Variants in GRHL2 observed in about 807,000 individuals in gnomAD.
GRHL2 encodes grainyhead-like protein 2 homolog.
GRHL2 carries 21 observed loss-of-function variants against 83.8 expected under a neutral mutation model. That is an observed-to-expected ratio of 0.25 (90% CI 0.18 to 0.36). GRHL2 has a LOEUF of 0.36. Among genes scored for constraint, GRHL2 ranks in the 10% least tolerant of loss-of-function variants. GRHL2 has a pLI of 1.00. For synonymous variants in GRHL2, 280 were observed against 278.9 expected (o/e 1.00, Z -0.04); for missense variants, 623 against 781.8 (o/e 0.80, Z 2.42).
intron 8 of GRHL2, among the ~76,000 whole-genome samples, chr8:101,604,833 A>AT (rs1812597673): frequency 6.6e-6 from 1 of 152,152 alleles, no homozygotes; most frequent in Non-Finnish European, 1.5e-5. Context: ...GATCTTTATG[A>AT]TTTTTAGAAA....
At chr8:101,678,874 A>C in the GRHL2 span, among the ~76,000 whole-genome samples, 68 of 130,058 alleles carry the variant, frequency 5.2e-4, no homozygotes, top group South Asian at 8.2e-4. Flanking sequence ...CCTGTCTGTT[A>C]GAAGGAAAAC....
At chr8:101,505,894 G>A (rs546095415) in intron 1 of GRHL2, among the ~76,000 whole-genome samples, 1 of 152,234 alleles carries the variant, frequency 6.6e-6, no homozygotes, top group Non-Finnish European at 1.5e-5. Flanking sequence ...CCATGTGGTC[G>A]AATCCCAGGA....
At chr8:101,652,583 G>GTGTGTGGTAT (rs1813691579) in intron 14 of GRHL2, among the ~76,000 whole-genome samples, 1 of 97,488 alleles carries the variant, frequency 1.0e-5, no homozygotes, top group Non-Finnish European at 1.9e-5. Flanking sequence ...TGGTGTGTGT[G>GTGTGTGGTAT]GTGTCTGTGT....
At chr8:101,570,496 A>G (rs1366082675) in intron 5 of GRHL2, 102 bp downstream of exon 5, 1 of 953,498 alleles carries the variant, frequency 1.0e-6, no homozygotes, top group African/African-American at 1.6e-5. Context: ...GTAAACTTGT[A>G]CAGAACAGTG....
At chr8:101,537,182 G>A (rs182962244) in intron 1 of GRHL2, among the ~76,000 whole-genome samples, 1 of 152,070 alleles carries the variant, frequency 6.6e-6, no homozygotes, top group Non-Finnish European at 1.5e-5. Context: ...TCTATTGATG[G>A]GCATTTAGGT....
chr8:101,525,713 A>T (rs1810789919), intron 1 of GRHL2, among the ~76,000 whole-genome samples: 1 of 152,160 alleles, frequency 6.6e-6, no homozygotes, highest in South Asian at 2.1e-4. Context: ...TCATGCCTGT[A>T]ATCCCAGCAG....
chr8:101,610,998 G>A (rs142260166), intron 8 of GRHL2, among the ~76,000 whole-genome samples: 59 of 151,136 alleles, frequency 3.9e-4, no homozygotes, highest in Admixed American at 5.9e-4. Flanking sequence ...AGATCAAGAG[G>A]TAACCAGCGA....
intron 14 of GRHL2, among the ~76,000 whole-genome samples, chr8:101,657,567 G>A (rs1354313184): frequency 4.6e-5 from 7 of 152,174 alleles, no homozygotes; most frequent in African/African-American, 1.7e-4. Flanking sequence ...AAGGCCGGGC[G>A]TAGTGGCTCA....
intron 7 of GRHL2, among the ~76,000 whole-genome samples, chr8:101,586,522 C>A (rs1812175590): frequency 6.6e-6 from 1 of 152,224 alleles, no homozygotes; most frequent in South Asian, 2.1e-4. Context: ...GTAGAGTCCA[C>A]TGTTCCCTCT....
chr8:101,642,976 G>A lies in GRHL2; in HGVS notation c.1518-1155G>A, dbSNP rs145502273. On this transcript the variant is annotated intron_variant, in intron 12 of 15. Coordinates refer to ENST00000646743, the MANE Select transcript of GRHL2 (RefSeq NM_024915.4). The stretch of plus-strand genomic sequence containing the variant: ...TGAGGAACTGGTCCGGGCTCCTACA[G>A]CAAATTGTAAGGCAGGGATTTAAAC... 5.3e-5 allele frequency among the ~76,000 whole-genome samples: 8 copies of A among 152,278 alleles called. No individual in the cohort carries two copies. In the East Asian group the frequency reaches 1.4e-3, roughly 26 times the overall value.
chr8:101,592,747 T>C (rs570653073), intron 7 of GRHL2, among the ~76,000 whole-genome samples: 77 of 152,158 alleles, frequency 5.1e-4, no homozygotes, highest in Non-Finnish European at 9.3e-4. Flanking sequence ...TTGTTCTGCT[T>C]TGGGAGGATC....
chr8:101,673,153 CA>C (rs1293171129), downstream of GRHL2, among the ~76,000 whole-genome samples: 1 of 151,296 alleles, frequency 6.6e-6, no homozygotes, highest in African/African-American at 2.4e-5. Flanking sequence ...AACTAATGAG[CA>C]AAATAACCAG....
chr8:101,591,157 G>T (rs1812273113), intron 7 of GRHL2, among the ~76,000 whole-genome samples: 1 of 150,264 alleles, frequency 6.7e-6, no homozygotes, highest in African/African-American at 2.5e-5. Context: ...AATAACAAAA[G>T]GATTCACCAT....
intron 1 of GRHL2, among the ~76,000 whole-genome samples, chr8:101,498,643 T>C (rs1810157639): frequency 6.6e-6 from 1 of 152,198 alleles, no homozygotes; most frequent in East Asian, 1.9e-4. Context: ...TTAAACTGAC[T>C]GCAGGGTCTG....
At chr8:101,564,408 C>CAA (rs1365000721) in intron 4 of GRHL2, among the ~76,000 whole-genome samples, 2 of 152,166 alleles carry the variant, frequency 1.3e-5, no homozygotes, top group African/African-American at 4.8e-5. Flanking sequence ...GAGACCAATT[C>CAA]TTCTGTGTGT....
chr8:101,493,983 G>A (rs568142243), intron 1 of GRHL2, among the ~76,000 whole-genome samples: 119 of 152,240 alleles, frequency 7.8e-4, no homozygotes, highest in African/African-American at 2.7e-3. Flanking sequence ...GGGATTCGGC[G>A]GGGACACTCC....
chr8:101,543,302 G>T lies in GRHL2; in HGVS notation c.82G>T (p.Ala28Ser). The T allele has an allele frequency of 6.2e-7, 1 of 1,614,062 alleles. No individual in the cohort carries two copies. The highest frequency in any genetic ancestry group is 1.1e-5 in the South Asian group (1 of 91,068). The change falls in exon 2 of 16, where the codon GCC (alanine) becomes TCC (serine). Residue 28 changes from alanine to serine, a missense_variant. By Grantham distance (99) the Ala-to-Ser change is moderately conservative. Transcript: ENST00000646743. ...TGACCCTCCATTCAATACCCGAAGA[G>T]CCTACACCAGTGAGGATGAAGCCTG... is the stretch of plus-strand genomic sequence containing the variant. ...PSDPPFNTRR[A>S]YTSEDEAWKS...
At chr8:101,593,859 A>G (rs1487520023) in intron 7 of GRHL2, among the ~76,000 whole-genome samples, 1 of 152,008 alleles carries the variant, frequency 6.6e-6, no homozygotes, top group Non-Finnish European at 1.5e-5. Flanking sequence ...TGAGGTCAGG[A>G]GTCCAAGACC....
chr8:101,517,918 T>C (rs1810604196), intron 1 of GRHL2, among the ~76,000 whole-genome samples: 1 of 152,168 alleles, frequency 6.6e-6, no homozygotes, highest in Non-Finnish European at 1.5e-5. Context: ...TGACACCAGA[T>C]AGAAGAGACA....
Sources: allele counts gnomAD v4.1 joint callset (sites outside exome capture counted in the v4.1 genomes callset), GRCh38; gene constraint gnomAD v4.1.1; transcripts MANE v1.5; gene names NCBI Gene and HGNC (gene_info 2026-07-23, HGNC 2026-07-21).